HK1: variants seen among roughly 807,000 people sequenced by gnomAD.
HK1 encodes the protein hexokinase 1.
HK1 carries 28 observed loss-of-function variants against 91.6 expected under a neutral mutation model. The observed-to-expected ratio is 0.31, with a 90% CI of 0.23 to 0.42. HK1 has a LOEUF of 0.42. Among genes scored for constraint, HK1 ranks in the 10% least tolerant of loss-of-function variants. The pLI is 1.00. For synonymous variants in HK1, 430 were observed against 468.1 expected (o/e 0.92, Z 1.05); for missense variants, 770 against 1,219.8 (o/e 0.63, Z 5.49).
chr10:69,339,908 C>T (rs1365262323), intron 1 of HK1, among the ~76,000 whole-genome samples: 1 of 152,196 alleles, frequency 6.6e-6, no homozygotes, highest in Admixed American at 6.5e-5. Context: ...CTTCTTGGAC[C>T]ATCAGTTTCT....
chr10:69,378,585 G>A lies in HK1; in HGVS notation c.1032-1277G>A, dbSNP rs138443784. On this transcript the variant is annotated intron_variant, in intron 8 of 17. Transcript: ENST00000359426. ...TACAGACAAATGAATAGAATGACGG[G>A]AGAGGTTAAAAAGATGTCTGGATGG... is the stretch of plus-strand genomic sequence containing the variant. 3.2e-3 allele frequency among the ~76,000 whole-genome samples: 493 copies of A among 152,246 alleles called. 1 individual carries two copies. Among genetic ancestry groups the A allele is most frequent in the African/African-American group, 0.011 (472 of 41,542 alleles).
intron 5 of HK1, among the ~76,000 whole-genome samples, chr10:69,302,640 A>T (rs1228742774): frequency 6.6e-6 from 1 of 151,656 alleles, no homozygotes; most frequent in African/African-American, 2.4e-5. Flanking sequence ...CTGTGGTCCC[A>T]GCTACTTGGG....
intron 16 of HK1, among the ~76,000 whole-genome samples, chr10:69,395,422 C>CA (rs2132954989): frequency 1.3e-5 from 2 of 151,882 alleles, no homozygotes; most frequent in South Asian, 4.2e-4. Flanking sequence ...ACTAAAAATA[C>CA]AAAAAATTAG....
intron 1 of HK1, among the ~76,000 whole-genome samples, chr10:69,328,906 A>T (rs6480399): frequency 0.68 from 102,719 of 151,786 alleles, 36,109 homozygotes; most frequent in East Asian, 0.86. Context: ...AATAATATAA[A>T]ATGAGGCTTT....
intron 17 of HK1, among the ~76,000 whole-genome samples, chr10:69,400,725 G>A (rs187176241): frequency 6.6e-6 from 1 of 152,294 alleles, no homozygotes; most frequent in East Asian, 1.9e-4. Flanking sequence ...GGGATTGACC[G>A]TGGGCCCACT....
chr10:69,318,884 C>T lies in HK1; in HGVS notation c.-64C>T. 6.6e-7 allele frequency: 1 copy of T among 1,522,856 alleles called. No individual in the cohort carries two copies. The highest frequency in any genetic ancestry group is 8.8e-7 in the Non-Finnish European group (1 of 1,135,334). The allele number at this position is 1,522,856 out of a possible 1,614,324, so 94.3% of individuals were successfully genotyped here. A position where few individuals can be genotyped will look rare whatever the true frequency, so the allele number is the denominator to read the frequency against. Reference sequence around the variant, plus strand: ...CCGAGCAGCCGCCGGAGGACCACGGCTCGCCAGGGCTGCGGAGGACCGACC... The same window carrying T: ...CCGAGCAGCCGCCGGAGGACCACGGTTCGCCAGGGCTGCGGAGGACCGACC... On this transcript the variant is annotated 5_prime_UTR_variant, in exon 1 of 18. Coordinates refer to ENST00000359426, the MANE Select transcript of HK1 (RefSeq NM_000188.3).
At chr10:69,325,089 T>C (rs1223803156) in intron 1 of HK1, among the ~76,000 whole-genome samples, 1 of 149,312 alleles carries the variant, frequency 6.7e-6, no homozygotes, top group African/African-American at 2.5e-5. Flanking sequence ...CTTCGCTCTG[T>C]TGCCCAGGCT....
chr10:69,289,460 A>ATTTTT lies in HK1; in HGVS notation c.-115+690_-115+691insTTTTT, dbSNP rs1564755510. 7.3e-4 allele frequency among the ~76,000 whole-genome samples: 68 copies of ATTTTT among 93,692 alleles called. 3 individuals carry two copies. The highest frequency in any genetic ancestry group is 1.6e-3 in the African/African-American group (40 of 25,044). The allele number at this position is 93,692 out of a possible 152,430, so 61.5% of individuals were successfully genotyped here. A position where few individuals can be genotyped will look rare whatever the true frequency, so the allele number is the denominator to read the frequency against. On this transcript the variant is annotated intron_variant, in intron 3 of 21. Coordinates refer to the HK1 transcript ENST00000360289. The stretch of plus-strand genomic sequence containing the variant: ...TGGGCTTCTGCCCATTAAAAAAAAA[A>ATTTTT]ATTTTTTTTTTTTTTTTTTTTTTTT...
intron 3 of HK1, among the ~76,000 whole-genome samples, chr10:69,294,033 T>G (rs10762279): frequency 0.7 from 104,903 of 150,008 alleles, 37,395 homozygotes; most frequent in African/African-American, 0.83. Flanking sequence ...GGCTGATTTT[T>G]TGTATTTTTA....
intron 5 of HK1, chr10:69,300,869 G>GA: frequency 7.3e-7 from 1 of 1,371,256 alleles, no homozygotes; most frequent in Non-Finnish European, 1.0e-6. Flanking sequence ...TTTGTACGTA[G>GA]AAAATCCTGG....
chr10:69,287,141 A>G (rs573964225), intron 2 of HK1, among the ~76,000 whole-genome samples: 5 of 152,340 alleles, frequency 3.3e-5, no homozygotes, highest in South Asian at 2.1e-4. Flanking sequence ...TGGGTAATTT[A>G]AAAAGGAAAG....
At chr10:69,344,843 T>A (rs998615441) in intron 2 of HK1, among the ~76,000 whole-genome samples, 2 of 152,136 alleles carry the variant, frequency 1.3e-5, no homozygotes, top group Non-Finnish European at 1.5e-5. Context: ...CTGTTAGCTG[T>A]GTTCTGTGCT....
rs759560664 is a variant in HK1, at chr10:69,376,931, C to T, written c.876-3C>T. 26 of 1,614,048 alleles carry T rather than the reference C, an allele frequency of 1.6e-5. 1 individual carries two copies. The South Asian group carries it at 2.9e-4, about 18-fold the overall frequency. On this transcript the variant is annotated splice_polypyrimidine_tract_variant and splice_region_variant and intron_variant, in intron 7 of 17. Coordinates refer to ENST00000359426, the MANE Select transcript of HK1 (RefSeq NM_000188.3). ...ACAAGTGCCGGTGTGCCTTTCTCCA[C>T]AGGTTTGAGAAGATGGTCAGTGGCA...
intron 15 of HK1, among the ~76,000 whole-genome samples, chr10:69,393,315 T>C (rs1839991408): frequency 6.6e-6 from 1 of 151,338 alleles, no homozygotes; most frequent in African/African-American, 2.4e-5. Flanking sequence ...CTTTTCTTTT[T>C]TTTTTGAGAC....
At chr10:69,338,603 A>T (rs1388029165) in intron 1 of HK1, 2 of 1,289,140 alleles carry the variant, frequency 1.6e-6, no homozygotes. Flanking sequence ...TCGGGCACTG[A>T]TGTTTGGCTG....
upstream of HK1, chr10:69,316,159 GGAT>G (rs1846630808): frequency 1.3e-5 from 10 of 779,684 alleles, no homozygotes; most frequent in Non-Finnish European, 2.3e-5. Flanking sequence ...TGGGGGCAGA[GGAT>G]GGTGGGAAGT....
chr10:69,284,818 T>C (rs185816791), intron 2 of HK1, among the ~76,000 whole-genome samples: 2 of 151,998 alleles, frequency 1.3e-5, no homozygotes, highest in Non-Finnish European at 2.9e-5. Flanking sequence ...TTTTAGTTTT[T>C]CTTTTTTCTT....
rs1422475032 is a variant in HK1 at position 69,398,626 on chromosome 10, A to G, written c.2407A>G (p.Ile803Val). ...ATTAGCACTGCTCCAGGTCCGGGCT[A>G]TCCTCCAGCAGCTAGGTCTGAATAG... ...DRLALLQVRA[I>V]LQQLGLNSTC... is the part of the protein sequence containing the mutation. The change falls in exon 17 of 18, where the codon ATC becomes GTC. Residue 803 changes from isoleucine to valine, a missense_variant. By Grantham distance (29) the Ile-to-Val change is conservative. Around this residue, in one of 7 missense-constraint regions of HK1, gnomAD observed 25 missense variants for 74.1 expected, o/e 0.34. Transcript: ENST00000359426. 2.5e-6 allele frequency: 4 copies of G among 1,613,892 alleles called. No individual in the cohort carries two copies. In the African/African-American group the frequency reaches 4.0e-5, roughly 16 times the overall value.
chr10:69,320,696 G>A (rs1046927575), intron 1 of HK1, among the ~76,000 whole-genome samples: 1 of 151,988 alleles, frequency 6.6e-6, no homozygotes, highest in Admixed American at 6.6e-5. Flanking sequence ...GGGCTGGGGG[G>A]TGCCTGGGTG....
Sources: gnomAD v4.1 joint callset for allele counts (sites outside exome capture counted in the v4.1 genomes callset) on GRCh38, gnomAD v4.1.1 for gene constraint, gnomAD v4.1.1 regional missense constraint, MANE v1.5 for transcripts, NCBI Gene and HGNC (gene_info 2026-07-23, HGNC 2026-07-21) for gene names.